The following COL8A1 variants were observed in gnomAD, a reference collection of about 807,000 sequenced individuals.
COL8A1 encodes collagen alpha-1(VIII) chain.
In COL8A1, 21 loss-of-function variants were observed where a neutral mutation model predicts 42.7. The ratio of observed to expected loss-of-function variants is 0.49; its 90% confidence interval spans 0.35 to 0.71. COL8A1 has a LOEUF of 0.71. COL8A1 is among the 30% of genes least tolerant of loss of function. COL8A1 has a pLI of 0.01. For synonymous variants in COL8A1, 367 were observed against 369.1 expected (o/e 0.99, Z 0.06); for missense variants, 788 against 962.4 (o/e 0.82, Z 2.40).
intron 1 of COL8A1, among the ~76,000 whole-genome samples, chr3:99,649,703 G>A (rs538737808): frequency 5.9e-5 from 9 of 152,072 alleles, no homozygotes; most frequent in East Asian, 1.9e-4. Context: ...ACCAAGAACC[G>A]CGCTTCCACA....
At chr3:99,675,979 T>C (rs1192037235) in intron 1 of COL8A1, among the ~76,000 whole-genome samples, 1 of 152,074 alleles carries the variant, frequency 6.6e-6, no homozygotes, top group Non-Finnish European at 1.5e-5. Flanking sequence ...GAATGAATAA[T>C]CATATCTGGT....
At chr3:99,666,797 G>A (rs1203841652) in intron 1 of COL8A1, among the ~76,000 whole-genome samples, 2 of 152,164 alleles carry the variant, frequency 1.3e-5, no homozygotes, top group Non-Finnish European at 2.9e-5. Context: ...AAATATTTGT[G>A]TAATGAACTT....
At chr3:99,638,998 G>A (rs1937450052) in intron 1 of COL8A1, among the ~76,000 whole-genome samples, 1 of 152,112 alleles carries the variant, frequency 6.6e-6, no homozygotes, top group South Asian at 2.1e-4. Flanking sequence ...ACACATCAGT[G>A]GGGGCAAGGA....
chr3:99,757,996 G>A (rs1412399314), intron 2 of COL8A1, among the ~76,000 whole-genome samples: 2 of 152,138 alleles, frequency 1.3e-5, no homozygotes, highest in Non-Finnish European at 2.9e-5. Flanking sequence ...CTTTTAGGTT[G>A]ATACCAAAGT....
chr3:99,790,497 T>C (rs556389814), intron 2 of COL8A1, among the ~76,000 whole-genome samples, 183 bp from the exon 3 acceptor site: 12 of 152,370 alleles, frequency 7.9e-5, no homozygotes, highest in Admixed American at 3.3e-4. Flanking sequence ...ATTCCACTAT[T>C]CTCTATTTTT....
At chr3:99,667,163 C>T (rs1938391975) in intron 1 of COL8A1, among the ~76,000 whole-genome samples, 1 of 152,122 alleles carries the variant, frequency 6.6e-6, no homozygotes, top group African/African-American at 2.4e-5. Context: ...AACCCTAGTT[C>T]TTAACTCCTA....
At chr3:99,696,011 G>C (rs1939355217) in intron 1 of COL8A1, among the ~76,000 whole-genome samples, 1 of 152,192 alleles carries the variant, frequency 6.6e-6, no homozygotes, top group Admixed American at 6.5e-5. Context: ...GCAGGTGCCT[G>C]TAATCCCAGC....
intron 2 of COL8A1, among the ~76,000 whole-genome samples, chr3:99,763,018 A>G (rs1364953551): frequency 6.6e-6 from 1 of 152,222 alleles, no homozygotes; most frequent in Non-Finnish European, 1.5e-5. Flanking sequence ...AAGGTATTTC[A>G]AAAGAGATTT....
chr3:99,655,280 G>A (rs1403421152), intron 1 of COL8A1, among the ~76,000 whole-genome samples: 2 of 152,102 alleles, frequency 1.3e-5, no homozygotes, highest in African/African-American at 2.4e-5. Flanking sequence ...CCACCCACTA[G>A]GTGCCAAAAA....
intron 1 of COL8A1, among the ~76,000 whole-genome samples, chr3:99,701,850 T>G (rs1330620042): frequency 6.6e-6 from 1 of 152,204 alleles, no homozygotes; most frequent in Non-Finnish European, 1.5e-5. Flanking sequence ...TCTTTTCACA[T>G]AGTTATAATA....
chr3:99,650,280 T>A (rs1411501951), intron 1 of COL8A1, among the ~76,000 whole-genome samples: 2 of 152,226 alleles, frequency 1.3e-5, no homozygotes, highest in Admixed American at 1.3e-4. Flanking sequence ...GCAGTTACTC[T>A]AAATGTCAGT....
intron 1 of COL8A1, among the ~76,000 whole-genome samples, chr3:99,727,923 C>G (rs1208679905): frequency 6.6e-6 from 1 of 151,624 alleles, no homozygotes; most frequent in Admixed American, 6.6e-5. Flanking sequence ...CAGAAAAGGC[C>G]TTTGACAAAA....
At chr3:99,793,381 C>T (rs571247183) in intron 3 of COL8A1, among the ~76,000 whole-genome samples, 1 of 151,796 alleles carries the variant, frequency 6.6e-6, no homozygotes, top group Non-Finnish European at 1.5e-5. Context: ...TCACTTTGTA[C>T]CCCATAAATA....
chr3:99,725,678 C>T (rs1378513078), intron 1 of COL8A1, among the ~76,000 whole-genome samples: 5 of 148,960 alleles, frequency 3.4e-5, no homozygotes, highest in Admixed American at 1.4e-4. Flanking sequence ...TGGTTTCTTT[C>T]CTTGCAATAG....
chr3:99,726,921 T>G (rs1056081709), intron 1 of COL8A1, among the ~76,000 whole-genome samples: 1 of 152,204 alleles, frequency 6.6e-6, no homozygotes, highest in Non-Finnish European at 1.5e-5. Context: ...ACATGAATTT[T>G]AAAGTAGTTT....
At chr3:99,788,473 C>T (rs1941938006) in intron 2 of COL8A1, among the ~76,000 whole-genome samples, 1 of 152,122 alleles carries the variant, frequency 6.6e-6, no homozygotes, top group Non-Finnish European at 1.5e-5. Flanking sequence ...AAGACTTCAC[C>T]ACAAGTCTGG....
At position 99,797,280 on chromosome 3, in the gene COL8A1, CTTTTT is replaced by C. The variant is rs543066436; in HGVS notation, c.*1150_*1154del. ...CTGAGGTTCCAAAGTCAATTTTTTT[CTTTTT>C]TTTTTGAGATGGAGTCTTACTCTGT... is the stretch of plus-strand genomic sequence containing the variant. On this transcript the variant is annotated 3_prime_UTR_variant, in exon 4 of 4. Transcript: ENST00000652472. 6.7e-6 allele frequency: 1 copy of C among 148,502 alleles called. No homozygotes were observed. The highest frequency in any genetic ancestry group is 1.5e-5 in the Non-Finnish European group (1 of 66,764). The allele number at this position is 148,502 out of a possible 1,614,324, so 9.2% of individuals were successfully genotyped here.
intron 1 of COL8A1, among the ~76,000 whole-genome samples, chr3:99,744,275 G>A (rs1321433208): frequency 6.6e-6 from 1 of 152,204 alleles, no homozygotes; most frequent in East Asian, 1.9e-4. Context: ...AAATAAAATA[G>A]AGAGTATCTA....
intron 1 of COL8A1, among the ~76,000 whole-genome samples, chr3:99,665,774 C>T (rs574147972): frequency 4.3e-4 from 64 of 150,214 alleles, no homozygotes; most frequent in African/African-American, 1.2e-3. Context: ...CTCCGCCTCC[C>T]GGGTTCAAGC....
Sources: gnomAD v4.1 joint callset for allele counts (sites outside exome capture counted in the v4.1 genomes callset) on GRCh38, gnomAD v4.1.1 for gene constraint, MANE v1.5 for transcripts, NCBI Gene and HGNC (gene_info 2026-07-23, HGNC 2026-07-21) for gene names.